Variants in HPR observed in about 807,000 individuals in gnomAD.
HPR encodes the protein Haptoglobin-related locus.
Under a neutral mutation model 18.5 loss-of-function variants are expected in HPR, and 17 were observed. That is an observed-to-expected ratio of 0.92 (90% CI 0.63 to 1.38). The LOEUF is 1.38. Ranked by LOEUF, HPR falls within the 40% of genes most tolerant of loss-of-function variation. HPR has a pLI of 0.00. For missense variants in HPR, 457 were observed against 432.4 expected (o/e 1.06, Z -0.51); for synonymous variants, 176 against 165.0 (o/e 1.07, Z -0.51).
chr16:72,069,196 C>T (rs2041629728), intron 1 of HPR, among the ~76,000 whole-genome samples: 1 of 152,096 alleles, frequency 6.6e-6, no homozygotes, highest in African/African-American at 2.4e-5. Flanking sequence ...TTTGGAGTGG[C>T]TCATACATTT....
chr16:72,074,088 C>T (rs2041689306), intron 2 of HPR, 111 bp downstream of exon 2: 2 of 1,466,804 alleles, frequency 1.4e-6, no homozygotes, highest in Non-Finnish European at 1.9e-6. Context: ...CCATTCTTAT[C>T]CTGACCTCTG....
chr16:72,074,085 T>C, intron 2 of HPR, 108 bp downstream of exon 2: 9 of 1,467,986 alleles, frequency 6.1e-6, no homozygotes, highest in Non-Finnish European at 8.5e-6. Context: ...TCCCCATTCT[T>C]ATCCTGACCT....
chr16:72,072,288 A>G (rs1298622529), intron 1 of HPR, among the ~76,000 whole-genome samples: 1 of 152,190 alleles, frequency 6.6e-6, no homozygotes, highest in African/African-American at 2.4e-5. Context: ...GATTACAGGC[A>G]TCAGCCACTG....
chr16:72,063,613 A>G (rs1248605452), intron 1 of HPR, among the ~76,000 whole-genome samples: 1 of 152,224 alleles, frequency 6.6e-6, no homozygotes, highest in East Asian at 1.9e-4. Context: ...AAAGACTAAT[A>G]GTAACACATT....
chr16:72,069,594 A>G (rs1323337457), intron 1 of HPR, among the ~76,000 whole-genome samples: 2 of 152,210 alleles, frequency 1.3e-5, no homozygotes. Flanking sequence ...TCTAGTCTCA[A>G]CTATATCTGA....
intron 1 of HPR, among the ~76,000 whole-genome samples, chr16:72,066,918 C>G (rs1567588039): frequency 6.6e-6 from 1 of 152,134 alleles, no homozygotes; most frequent in Non-Finnish European, 1.5e-5. Context: ...GAGCCAGAAA[C>G]TATAAAAGGT....
At chr16:72,067,376 T>G (rs1024204330) in intron 1 of HPR, among the ~76,000 whole-genome samples, 6 of 152,170 alleles carry the variant, frequency 3.9e-5, no homozygotes, top group Admixed American at 3.9e-4. Flanking sequence ...ACGGTGAGAA[T>G]CTTAGAAAAT....
chr16:72,063,805 C>T (rs192981653), intron 1 of HPR, among the ~76,000 whole-genome samples: 5 of 152,016 alleles, frequency 3.3e-5, no homozygotes, highest in Admixed American at 2.6e-4. Flanking sequence ...GTGAGTGGCG[C>T]GATCTCAGCT....
At chr16:72,070,829 T>C (rs113392620) in intron 1 of HPR, among the ~76,000 whole-genome samples, 57 of 152,266 alleles carry the variant, frequency 3.7e-4, no homozygotes, top group African/African-American at 1.3e-3. Context: ...AAAAAGTCCC[T>C]GTGGTGACTG....
chr16:72,072,125 C>T (rs8047930), intron 1 of HPR, among the ~76,000 whole-genome samples: 26,226 of 151,404 alleles, frequency 0.17, 2,583 homozygotes, highest in South Asian at 0.19. Context: ...TCTTCTGCCT[C>T]GGCCTCCCGA....
Position 72,074,378 on chromosome 16 carries a change from A to G in HPR, c.186A>G (p.Glu62=). The G allele has an allele frequency of 6.2e-7, 1 of 1,610,440 alleles. No individual in the cohort carries two copies. The change falls in exon 3 of 5, where the codon GAA becomes GAG. Residue 62 remains glutamate, a synonymous_variant. Coordinates refer to ENST00000540303, the MANE Select transcript of HPR (RefSeq NM_020995.4). ...QCKNYYRLRT[E]GDGVYTLNDK... ...AGAACTACTACAGACTGCGCACAGA[A>G]GGAGATGGTAAGACCTGGACAACTA...
chr16:72,063,816 C>G (rs569174825), intron 1 of HPR, among the ~76,000 whole-genome samples: 4 of 152,068 alleles, frequency 2.6e-5, no homozygotes, highest in Non-Finnish European at 5.9e-5. Context: ...GATCTCAGCT[C>G]ATCGCAACCT....
chr16:72,072,951 T>C (rs955927943), intron 1 of HPR, among the ~76,000 whole-genome samples: 1 of 152,178 alleles, frequency 6.6e-6, no homozygotes, highest in African/African-American at 2.4e-5. Context: ...CCAGACTTCC[T>C]TACTCTCTGT....
intron 1 of HPR, among the ~76,000 whole-genome samples, chr16:72,068,496 G>A (rs574815307): frequency 2.0e-5 from 3 of 152,162 alleles, no homozygotes; most frequent in Non-Finnish European, 2.9e-5. Flanking sequence ...GACTTCTAAA[G>A]AGGTCGATCA....
At chr16:72,074,701 A>G (rs2041698451) in intron 3 of HPR, 1 of 706,040 alleles carries the variant, frequency 1.4e-6, no homozygotes, top group Non-Finnish European at 2.6e-6. Flanking sequence ...ACCCTCACCT[A>G]GTGAGTCTTG....
Position 72,069,629 on chromosome 16 carries a change from T to C in HPR, c.6-4263T>C, listed in dbSNP as rs2041634356. On this transcript the variant is annotated intron_variant, in intron 1 of 4. Transcript: ENST00000540303. The stretch of plus-strand genomic sequence containing the variant: ...AGGACACACTGGGGATCCCAAGCCA[T>C]GTGCGATGCAGTTCTCAGGGTCTAT... Among the ~76,000 whole-genome samples the C allele has an allele frequency of 2.6e-5, 4 of 152,150 alleles. No homozygotes were observed. In the South Asian group the frequency reaches 6.2e-4, roughly 24 times the overall value.
intron 1 of HPR, among the ~76,000 whole-genome samples, chr16:72,067,054 G>T (rs780787064): frequency 6.6e-6 from 1 of 152,126 alleles, no homozygotes; most frequent in Non-Finnish European, 1.5e-5. Flanking sequence ...TGAGAGAGGG[G>T]AAGGACAAGA....
chr16:72,065,911 C>A (rs1043241295), intron 1 of HPR, among the ~76,000 whole-genome samples: 1 of 152,156 alleles, frequency 6.6e-6, no homozygotes, highest in African/African-American at 2.4e-5. Flanking sequence ...AACCCCCCTA[C>A]TCCTCAGGCA....
intron 1 of HPR, among the ~76,000 whole-genome samples, chr16:72,066,685 A>T (rs1313737548): frequency 6.6e-6 from 1 of 152,184 alleles, no homozygotes; most frequent in African/African-American, 2.4e-5. Context: ...TGGGCAAAGG[A>T]TGTTAAAGAT....
Sources: allele counts gnomAD v4.1 joint callset (sites outside exome capture counted in the v4.1 genomes callset), GRCh38; gene constraint gnomAD v4.1.1; transcripts MANE v1.5; gene names NCBI Gene and HGNC (gene_info 2026-07-23, HGNC 2026-07-21).